HEMK2: variants seen among roughly 807,000 people sequenced by gnomAD.
The protein encoded by HEMK2 is HemK methyltransferase 2, ETF1 glutamine and histone H4 lysine.
the HEMK2 span, among the ~76,000 whole-genome samples, chr21:28,661,930 C>A: frequency 6.6e-6 from 1 of 152,132 alleles, no homozygotes; most frequent in South Asian, 2.1e-4. Flanking sequence ...CATTCTCTCT[C>A]TGTTAGTTAG....
At chr21:28,692,062 C>A in the HEMK2 span, among the ~76,000 whole-genome samples, 6 of 152,260 alleles carry the variant, frequency 3.9e-5, no homozygotes, top group East Asian at 1.2e-3. Context: ...AAAGAATACA[C>A]CAGAATGGTA....
the HEMK2 span, among the ~76,000 whole-genome samples, chr21:28,698,378 A>C: frequency 6.6e-6 from 1 of 152,204 alleles, no homozygotes; most frequent in Middle Eastern, 3.2e-3. Context: ...GGTTAAAATG[A>C]AAAATTGTTT....
the HEMK2 span, among the ~76,000 whole-genome samples, chr21:28,811,439 C>A: frequency 3.1e-4 from 34 of 109,578 alleles, no homozygotes; most frequent in South Asian, 1.8e-3. Context: ...GAGAGAGGGA[C>A]GGACGCAGGG....
At chr21:28,775,436 CGTGT>C in the HEMK2 span, among the ~76,000 whole-genome samples, 1 of 151,584 alleles carries the variant, frequency 6.6e-6, no homozygotes, top group Non-Finnish European at 1.5e-5. Context: ...GAATTTAAAA[CGTGT>C]GTGTGTGTGT....
the HEMK2 span, among the ~76,000 whole-genome samples, chr21:28,670,417 C>T: frequency 6.6e-6 from 1 of 152,156 alleles, no homozygotes; most frequent in South Asian, 2.1e-4. Context: ...TTTTACATCT[C>T]CAGAGTCCAT....
the HEMK2 span, among the ~76,000 whole-genome samples, chr21:28,775,931 A>G: frequency 6.6e-6 from 1 of 152,090 alleles, no homozygotes; most frequent in East Asian, 1.9e-4. Flanking sequence ...ATGCCATTGG[A>G]AAGGATTCAG....
chr21:28,831,093 G>A, the HEMK2 span, among the ~76,000 whole-genome samples: 43 of 152,112 alleles, frequency 2.8e-4, no homozygotes, highest in African/African-American at 9.4e-4. Flanking sequence ...GGGCAGGAGG[G>A]ATGCCATGTG....
the HEMK2 span, among the ~76,000 whole-genome samples, chr21:28,642,658 G>A: frequency 1.3e-5 from 2 of 152,290 alleles, no homozygotes; most frequent in African/African-American, 2.4e-5. Flanking sequence ...TTTACTGAGC[G>A]GAGGGTGGCT....
At chr21:28,878,424 A>G in the HEMK2 span, 1 of 1,490,936 alleles carries the variant, frequency 6.7e-7, no homozygotes, top group Non-Finnish European at 9.3e-7. Flanking sequence ...TCACCAAAAA[A>G]GTATATATTT....
the HEMK2 span, among the ~76,000 whole-genome samples, chr21:28,651,810 A>G: frequency 1.3e-5 from 2 of 152,218 alleles, no homozygotes; most frequent in Non-Finnish European, 2.9e-5. Context: ...AAAAGAGAAA[A>G]GTTTAATAGA....
the HEMK2 span, among the ~76,000 whole-genome samples, chr21:28,776,111 GAA>G: frequency 6.6e-6 from 1 of 152,192 alleles, no homozygotes. Context: ...GGAATGGGGA[GAA>G]AAGTCTAGCA....
At chr21:28,649,971 A>G in the HEMK2 span, among the ~76,000 whole-genome samples, 1 of 152,234 alleles carries the variant, frequency 6.6e-6, no homozygotes, top group Admixed American at 6.5e-5. Context: ...GTCAGAAACC[A>G]AGGCTGGGAG....
chr21:28,778,480 G>C, the HEMK2 span, among the ~76,000 whole-genome samples: 3 of 152,198 alleles, frequency 2.0e-5, no homozygotes, highest in African/African-American at 7.2e-5. Context: ...GCAATTGCAG[G>C]TTAGTTTTAT....
the HEMK2 span, among the ~76,000 whole-genome samples, chr21:28,854,528 A>G: frequency 6.6e-6 from 1 of 151,944 alleles, no homozygotes. Flanking sequence ...AGAGATAGAG[A>G]TAGAGATATA....
At chr21:28,757,572 C>A in the HEMK2 span, among the ~76,000 whole-genome samples, 3 of 152,128 alleles carry the variant, frequency 2.0e-5, no homozygotes, top group Non-Finnish European at 2.9e-5. Context: ...TTTAATTTAA[C>A]TTTGTTGTTT....
the HEMK2 span, among the ~76,000 whole-genome samples, chr21:28,603,547 A>ATGTGTGTGTGTG: frequency 8.7e-5 from 7 of 80,770 alleles, no homozygotes; most frequent in East Asian, 7.9e-4. Flanking sequence ...CTGAGGATAT[A>ATGTGTGTGTGTG]TATGTGTGTG....
the HEMK2 span, among the ~76,000 whole-genome samples, chr21:28,859,214 C>A: frequency 6.6e-6 from 1 of 152,204 alleles, no homozygotes; most frequent in Non-Finnish European, 1.5e-5. Context: ...AAAGCTCTTA[C>A]ACTCTAGTCT....
At chr21:28,841,395 T>TTATATATAATATATATTA in the HEMK2 span, among the ~76,000 whole-genome samples, 1 of 32,454 alleles carries the variant, frequency 3.1e-5, no homozygotes, top group African/African-American at 2.5e-4. Flanking sequence ...ATATAAAATA[T>TTATATATAATATATATTA]TATATATATA....
chr21:28,780,594 A>C, the HEMK2 span, among the ~76,000 whole-genome samples: 1 of 152,228 alleles, frequency 6.6e-6, no homozygotes, highest in Non-Finnish European at 1.5e-5. Context: ...TACAGGCGTG[A>C]GCCACCGCGC....
Sources: allele counts gnomAD v4.1 joint callset (sites outside exome capture counted in the v4.1 genomes callset), GRCh38; gene constraint gnomAD v4.1.1; transcripts MANE v1.5; gene names NCBI Gene and HGNC (gene_info 2026-07-23, HGNC 2026-07-21).